Variants in L3MBTL4 observed in about 807,000 individuals in gnomAD.
The protein encoded by L3MBTL4 is L3MBTL histone methyl-lysine binding protein 4.
L3MBTL4 carries 70 observed loss-of-function variants against 84.5 expected under a neutral mutation model. The observed-to-expected ratio is 0.83, with a 90% CI of 0.68 to 1.01. L3MBTL4 has a LOEUF of 1.01. L3MBTL4 is among the 50% of genes least tolerant of loss of function. The pLI is 0.00. For missense variants in L3MBTL4, 715 were observed against 754.8 expected (o/e 0.95, Z 0.62); for synonymous variants, 274 against 259.8 (o/e 1.05, Z -0.52).
chr18:6,105,294 G>A (rs1358313649), intron 14 of L3MBTL4, among the ~76,000 whole-genome samples: 1 of 148,622 alleles, frequency 6.7e-6, no homozygotes, highest in Non-Finnish European at 1.5e-5. Flanking sequence ...GGGTTCAAGC[G>A]ATTCTTCTGC....
At chr18:6,240,843 T>C (rs747123455) in intron 8 of L3MBTL4, among the ~76,000 whole-genome samples, 1 of 152,076 alleles carries the variant, frequency 6.6e-6, no homozygotes, top group African/African-American at 2.4e-5. Flanking sequence ...ACTTCTGGAG[T>C]TGCAATTTAT....
At chr18:6,129,152 C>T (rs1165304864) in intron 14 of L3MBTL4, among the ~76,000 whole-genome samples, 3 of 152,108 alleles carry the variant, frequency 2.0e-5, no homozygotes, top group East Asian at 3.9e-4. Flanking sequence ...GCAAAACAAA[C>T]GATTACATGT....
intron 16 of L3MBTL4, among the ~76,000 whole-genome samples, chr18:6,067,340 A>G (rs1387878272): frequency 1.3e-5 from 2 of 152,232 alleles, no homozygotes; most frequent in African/African-American, 2.4e-5. Context: ...TTGGATATAT[A>G]GAGCTCTACC....
intron 1 of L3MBTL4, among the ~76,000 whole-genome samples, chr18:6,339,297 A>AC (rs1394903847): frequency 6.6e-6 from 1 of 152,210 alleles, no homozygotes; most frequent in Non-Finnish European, 1.5e-5. Flanking sequence ...TCACTCAAAA[A>AC]ATATTATCTA....
chr18:6,061,908 C>T (rs1291520158), intron 16 of L3MBTL4, among the ~76,000 whole-genome samples: 1 of 151,898 alleles, frequency 6.6e-6, no homozygotes, highest in Non-Finnish European at 1.5e-5. Context: ...CCCCAATTCT[C>T]CCTCTCATCC....
At chr18:5,987,891 T>TA (rs11331646) in intron 16 of L3MBTL4, among the ~76,000 whole-genome samples, 95 of 147,956 alleles carry the variant, frequency 6.4e-4, no homozygotes, top group Admixed American at 7.4e-4. Context: ...ATTCCCTGTT[T>TA]AAAAAAAAAA....
chr18:6,284,983 G>T (rs2146626722), intron 4 of L3MBTL4, among the ~76,000 whole-genome samples: 1 of 152,328 alleles, frequency 6.6e-6, no homozygotes, highest in African/African-American at 2.4e-5. Flanking sequence ...GGGCGGGAAT[G>T]AACCCTAAAC....
intron 12 of L3MBTL4, among the ~76,000 whole-genome samples, chr18:6,187,856 C>T (rs2924952): frequency 1.5e-4 from 22 of 147,430 alleles, no homozygotes; most frequent in East Asian, 2.0e-4. Context: ...GTCCACAAGG[C>T]TCTTGGTACC....
At chr18:6,197,420 A>G (rs1385588121) in intron 12 of L3MBTL4, among the ~76,000 whole-genome samples, 2 of 152,178 alleles carry the variant, frequency 1.3e-5, no homozygotes, top group African/African-American at 2.4e-5. Context: ...AGCTCCATCC[A>G]TGTCCCTGTA....
At chr18:6,167,702 C>A (rs1391260971) in intron 13 of L3MBTL4, among the ~76,000 whole-genome samples, 2 of 152,122 alleles carry the variant, frequency 1.3e-5, no homozygotes, top group African/African-American at 4.8e-5. Context: ...CTATCTATGA[C>A]AAACCCACAG....
At chr18:6,226,146 G>GT (rs112326767) in intron 10 of L3MBTL4, among the ~76,000 whole-genome samples, 15,894 of 152,058 alleles carry the variant, frequency 0.1, 2,812 homozygotes, top group African/African-American at 0.36. Context: ...GGTGGCCCAT[G>GT]CTGTAATCCC....
intron 1 of L3MBTL4, among the ~76,000 whole-genome samples, chr18:6,352,089 G>C (rs1409785293): frequency 7.1e-6 from 1 of 140,890 alleles, no homozygotes; most frequent in African/African-American, 3.0e-5. Context: ...AAGAAGGAAA[G>C]ACAGGTGGGT....
At chr18:6,152,544 C>G (rs1333079085) in intron 13 of L3MBTL4, among the ~76,000 whole-genome samples, 1 of 151,926 alleles carries the variant, frequency 6.6e-6, no homozygotes, top group Non-Finnish European at 1.5e-5. Context: ...ATGGCTTCTT[C>G]AGAAAAAAAA....
intron 16 of L3MBTL4, among the ~76,000 whole-genome samples, chr18:5,991,910 C>T (rs2053716103): frequency 6.6e-6 from 1 of 151,986 alleles, no homozygotes; most frequent in Non-Finnish European, 1.5e-5. Flanking sequence ...TTCTCCTCTT[C>T]CCCCAACTCT....
At chr18:6,372,574 C>T (rs2054199660) in intron 1 of L3MBTL4, among the ~76,000 whole-genome samples, 1 of 152,182 alleles carries the variant, frequency 6.6e-6, no homozygotes, top group South Asian at 2.1e-4. Context: ...CGCAAGGCCT[C>T]TTAAACTATG....
At chr18:5,968,116 A>G (rs938425607) in intron 17 of L3MBTL4, among the ~76,000 whole-genome samples, 2 of 152,230 alleles carry the variant, frequency 1.3e-5, no homozygotes, top group Non-Finnish European at 2.9e-5. Flanking sequence ...CCTTGGCCCA[A>G]GGCTGGGAAG....
intron 5 of L3MBTL4, chr18:6,260,040 T>C (rs1463727024): frequency 6.6e-6 from 1 of 152,226 alleles, no homozygotes; most frequent in Non-Finnish European, 1.5e-5. Context: ...ATTTATTGAA[T>C]AGGGAGTCCT....
At position 6,169,108 on chromosome 18, in the gene L3MBTL4, G is replaced by T. The variant is rs556395104; in HGVS notation, c.1096+2720C>A. Reference sequence around the variant, plus strand: ...TATCGTCACTGGTCATCAGAGAAATGCAAATCAAAACCACAATGAGATACC... The same window carrying T: ...TATCGTCACTGGTCATCAGAGAAATTCAAATCAAAACCACAATGAGATACC... On this transcript the variant is annotated intron_variant, in intron 13 of 18. Transcript: ENST00000317931. Among the ~76,000 whole-genome samples, 15 of 152,322 alleles carry T rather than the reference G, an allele frequency of 9.8e-5. No individual in the cohort carries two copies. The South Asian group carries it at 3.1e-3, about 32-fold the overall frequency.
intron 16 of L3MBTL4, among the ~76,000 whole-genome samples, chr18:5,990,226 G>A (rs1156833439): frequency 3.3e-5 from 5 of 152,128 alleles, no homozygotes; most frequent in South Asian, 2.1e-4. Context: ...CTGGACTATC[G>A]ATTTTCCATA....
Sources: allele counts gnomAD v4.1 joint callset (sites outside exome capture counted in the v4.1 genomes callset), GRCh38; gene constraint gnomAD v4.1.1; transcripts MANE v1.5; gene names NCBI Gene and HGNC (gene_info 2026-07-23, HGNC 2026-07-21).